The following MCF2 variants were observed in gnomAD, a reference collection of about 807,000 sequenced individuals.
MCF2 encodes proto-oncogene DBL.
A neutral mutation model predicts 82.5 loss-of-function variants in MCF2; 44 were observed. The ratio of observed to expected loss-of-function variants is 0.53; its 90% CI spans 0.42 to 0.69. MCF2 has a LOEUF of 0.69. MCF2 is among the 30% of genes least tolerant of loss of function. The probability of loss-of-function intolerance (pLI) is 0.00; values close to 1 mark genes in which losing one functional copy is unlikely to be tolerated. For synonymous variants in MCF2, 217 were observed against 224.9 expected, an observed-to-expected ratio of 0.96 and a Z score of 0.32; for missense variants, 623 against 663.1, an observed-to-expected ratio of 0.94 and a Z score of 0.66.
intron 3 of MCF2, 83 bp downstream of exon 6, chrX:139,631,312 C>T (rs868322170): frequency 2.0e-6 from 1 of 506,348 alleles, no homozygotes; most frequent in Non-Finnish European, 3.1e-6. Flanking sequence ...TTGTTTTTTT[C>T]AAATAGGAAA....
chrX:139,632,839 T>C (rs923280458), intron 1 of MCF2, among the ~76,000 whole-genome samples: 1 of 112,011 alleles, frequency 8.9e-6, no homozygotes, highest in East Asian at 2.8e-4. Flanking sequence ...GGTTTTTGTC[T>C]GTGTATTTAC....
In MCF2 at chrX:139,631,514, A is replaced by G; in HGVS notation, c.172-3T>C. ...CTAACTGAGCTCAGCATAACAACCT[A>G]TATAAATAAGCAAAAAAGATACTGT... On this transcript the variant is annotated splice_region_variant and splice_polypyrimidine_tract_variant and intron_variant, in intron 2 of 24. Transcript: ENST00000370576. 8.9e-7 allele frequency: 1 copy of G among 1,121,581 alleles called. No homozygotes were observed. The highest frequency in any genetic ancestry group is 1.2e-6 in the Non-Finnish European group (1 of 816,763). 92.4% of individuals were successfully genotyped at this position (1,121,581 alleles called of 1,213,427 possible). A position where few individuals can be genotyped will look rare whatever the true frequency, so the allele number is the denominator to read the frequency against.
intron 1 of MCF2, among the ~76,000 whole-genome samples, chrX:139,669,146 G>A (rs1934609370): frequency 8.9e-6 from 1 of 111,738 alleles, no homozygotes; most frequent in African/African-American, 3.3e-5. Context: ...TCTGATAAGG[G>A]ACATGTATCT....
At chrX:139,652,946 C>T (rs141576877) in intron 1 of MCF2, among the ~76,000 whole-genome samples, 1,557 of 111,082 alleles carry the variant, frequency 0.014, 23 homozygotes, top group African/African-American at 0.048. Context: ...GACACCCCCC[C>T]GACACATGAT....
chrX:139,635,235 T>C (rs1933133159), intron 1 of MCF2, among the ~76,000 whole-genome samples: 1 of 110,998 alleles, frequency 9.0e-6, no homozygotes, highest in South Asian at 3.9e-4. Flanking sequence ...GGGGAAACAT[T>C]GAAAAGAATA....
chrX:139,645,486 C>T (rs1283587946), upstream of MCF2: 11 of 536,884 alleles, frequency 2.0e-5, no homozygotes, highest in Non-Finnish European at 3.3e-5. Flanking sequence ...CCGTCAGTAC[C>T]AAAGTAATCT....
intron 6 of MCF2, among the ~76,000 whole-genome samples, chrX:139,623,225 T>C (rs749380703): frequency 1.6e-4 from 18 of 111,639 alleles, no homozygotes; most frequent in Non-Finnish European, 3.2e-4. Flanking sequence ...ATCCCATTAC[T>C]GAGTATATAC....
exon 18 of MCF2, chrX:139,597,496 A>G (rs980215646): frequency 8.3e-6 from 10 of 1,198,466 alleles, no homozygotes; most frequent in Non-Finnish European, 1.1e-5. Context: ...GCATAGAATC[A>G]TTAACTGACT....
chrX:139,613,324 A>C, intron 10 of MCF2, 61 bp from the exon 14 acceptor site: 3 of 893,254 alleles, frequency 3.4e-6, no homozygotes, highest in Non-Finnish European at 3.2e-6. Context: ...AAACAATACA[A>C]AACAAAATGT....
At chrX:139,702,947 G>A (rs895526061) in intron 1 of MCF2, among the ~76,000 whole-genome samples, 2 of 112,269 alleles carry the variant, frequency 1.8e-5, no homozygotes, top group Non-Finnish European at 3.8e-5. Flanking sequence ...CAGCTGAAAA[G>A]AGCTACCTAG....
rs1327380175 is a variant in MCF2 at position 139,651,706 on chromosome X, G to C, written c.25+14C>G. ...ATATATCTATCTGGACTATATATAAGAAAGTTTGCTTACCAGACAAGAAGG... is the reference window on the plus strand; with the variant it reads ...ATATATCTATCTGGACTATATATAACAAAGTTTGCTTACCAGACAAGAAGG... On this transcript the variant is annotated intron_variant, in intron 2 of 27. Coordinates refer to the MCF2 transcript ENST00000414978. The C allele has an allele frequency of 3.6e-6, 4 of 1,108,581 alleles. No individual in the cohort carries two copies. Among genetic ancestry groups the C allele is most frequent in the African/African-American group, 3.6e-5 (2 of 55,327 alleles). 91.4% of individuals were successfully genotyped at this position (1,108,581 alleles called of 1,213,427 possible).
intron 6 of MCF2, among the ~76,000 whole-genome samples, chrX:139,624,188 T>C (rs1364481522): frequency 1.8e-5 from 2 of 111,219 alleles, no homozygotes; most frequent in Non-Finnish European, 1.9e-5. Context: ...ATATACTAAA[T>C]AGAATCATGA....
chrX:139,594,434 T>C (rs1264212947), intron 19 of MCF2, among the ~76,000 whole-genome samples: 1 of 110,153 alleles, frequency 9.1e-6, no homozygotes, highest in Non-Finnish European at 1.9e-5. Flanking sequence ...TATCTACAAC[T>C]ATCTGATCTT....
At chrX:139,684,175 T>C (rs2148567627) in intron 1 of MCF2, among the ~76,000 whole-genome samples, 1 of 112,380 alleles carries the variant, frequency 8.9e-6, no homozygotes, top group South Asian at 3.7e-4. Context: ...AAATAATCCA[T>C]GTAGACATTT....
At chrX:139,623,256 C>T (rs1035716539) in intron 6 of MCF2, among the ~76,000 whole-genome samples, 9 of 111,704 alleles carry the variant, frequency 8.1e-5, no homozygotes, top group African/African-American at 2.9e-4. Flanking sequence ...ATAAATCATT[C>T]TATCAAAAAG....
chrX:139,692,075 C>G, intron 1 of MCF2: 2 of 1,165,554 alleles, frequency 1.7e-6, no homozygotes, highest in South Asian at 3.8e-5. Flanking sequence ...GGCCTGGGAT[C>G]CTGCCGCAGG....
At chrX:139,651,383 TC>T (rs1220458363) in intron 2 of MCF2, among the ~76,000 whole-genome samples, 3 of 110,983 alleles carry the variant, frequency 2.7e-5, no homozygotes, top group Non-Finnish European at 5.7e-5. Flanking sequence ...CCTCAGCTGC[TC>T]CCCTCCCACC....
chrX:139,692,194 A>G, intron 1 of MCF2: 1 of 890,238 alleles, frequency 1.1e-6, no homozygotes, highest in Non-Finnish European at 1.6e-6. Context: ...CTCACGCTGG[A>G]GAGCCGGGCA....
intron 6 of MCF2, among the ~76,000 whole-genome samples, chrX:139,620,728 T>C (rs906933932): frequency 6.3e-5 from 7 of 111,311 alleles, no homozygotes; most frequent in African/African-American, 2.0e-4. Flanking sequence ...CACAAACAAA[T>C]GGAGAAAACA....
Sources: allele counts gnomAD v4.1 joint callset (sites outside exome capture counted in the v4.1 genomes callset), GRCh38; gene constraint gnomAD v4.1.1; transcripts MANE v1.5; gene names NCBI Gene and HGNC (gene_info 2026-07-23, HGNC 2026-07-21).